KLRG1: variants seen among roughly 807,000 people sequenced by gnomAD.
KLRG1 encodes the protein killer cell lectin like receptor G1.
Under a neutral mutation model 21.8 loss-of-function variants are expected in KLRG1, and 16 were observed. That is an observed-to-expected ratio of 0.73 (90% confidence interval 0.50 to 1.11). KLRG1 has a LOEUF of 1.11. KLRG1 is among the 50% of genes most tolerant of loss of function. The pLI, the probability that KLRG1 is intolerant of heterozygous loss-of-function variation, is 0.00. For synonymous variants in KLRG1, 69 were observed against 75.9 expected (o/e 0.91, Z 0.47); for missense variants, 173 against 218.3 (o/e 0.79, Z 1.31).
chr12:9,155,466 T>A, the KLRG1 span, among the ~76,000 whole-genome samples: 6 of 151,068 alleles, frequency 4.0e-5, no homozygotes, highest in South Asian at 1.3e-3. Flanking sequence ...AAACTTTTGA[T>A]TCTTGTTTTG....
At chr12:9,194,018 A>C in the KLRG1 span, 1 of 1,474,336 alleles carries the variant, frequency 6.8e-7, no homozygotes, top group African/African-American at 1.4e-5. Flanking sequence ...ATTTCTTCTG[A>C]ATATATCACT....
the KLRG1 span, chr12:9,079,884 A>T: frequency 7.3e-7 from 1 of 1,377,770 alleles, no homozygotes; most frequent in Non-Finnish European, 9.6e-7. Flanking sequence ...ATTAAGCAGA[A>T]ATAATTAGTT....
the KLRG1 span, among the ~76,000 whole-genome samples, chr12:9,048,543 A>C: frequency 6.6e-6 from 1 of 152,242 alleles, no homozygotes; most frequent in African/African-American, 2.4e-5. Flanking sequence ...CTAGATATGC[A>C]TGGCTAGTTC....
intron 3 of KLRG1, among the ~76,000 whole-genome samples, chr12:8,999,459 A>G (rs780984743): frequency 2.4e-4 from 36 of 152,262 alleles, no homozygotes; most frequent in African/African-American, 8.4e-4. Context: ...AACTTTACCT[A>G]TCTTCCTGAC....
chr12:9,196,814 C>G, the KLRG1 span: 1 of 814,842 alleles, frequency 1.2e-6, no homozygotes, highest in Non-Finnish European at 2.0e-6. Flanking sequence ...CCTTCGAGAA[C>G]TTAATACTCA....
At chr12:9,161,144 G>C in the KLRG1 span, 1 of 1,484,224 alleles carries the variant, frequency 6.7e-7, no homozygotes, top group Non-Finnish European at 9.3e-7. Context: ...CCATGTTAAA[G>C]GAGGACATCT....
chr12:9,181,497 TACTC>T, the KLRG1 span, among the ~76,000 whole-genome samples: 2 of 152,218 alleles, frequency 1.3e-5, no homozygotes, highest in African/African-American at 4.8e-5. Flanking sequence ...CACATTAATT[TACTC>T]ACTCTTTTAA....
the KLRG1 span, among the ~76,000 whole-genome samples, chr12:9,016,744 G>A: frequency 2.6e-5 from 4 of 152,018 alleles, no homozygotes; most frequent in Non-Finnish European, 4.4e-5. Context: ...CTCCTGTGTA[G>A]CTCAGATTAC....
chr12:9,055,766 G>A, the KLRG1 span: 1 of 152,640 alleles, frequency 6.6e-6, no homozygotes, highest in African/African-American at 2.4e-5. Context: ...AAGCGAACAG[G>A]ATGACTTCGG....
At chr12:8,986,671 C>A (rs1271444960), upstream of KLRG1, among the ~76,000 whole-genome samples, 1 of 152,010 alleles carries the variant, frequency 6.6e-6, no homozygotes, top group African/African-American at 2.4e-5. Context: ...CTAGAATTAG[C>A]CATTTCTTCA....
the KLRG1 span, among the ~76,000 whole-genome samples, chr12:9,120,657 T>A: frequency 6.6e-6 from 1 of 152,230 alleles, no homozygotes; most frequent in Non-Finnish European, 1.5e-5. Flanking sequence ...GACAATTTCA[T>A]CTGGTTACAT....
chr12:9,005,668 T>C (rs1203848703), intron 3 of KLRG1, among the ~76,000 whole-genome samples: 1 of 152,190 alleles, frequency 6.6e-6, no homozygotes, highest in African/African-American at 2.4e-5. Context: ...TCTATAGCAA[T>C]GGTCTCCAAG....
the KLRG1 span, among the ~76,000 whole-genome samples, chr12:9,144,811 A>C: frequency 6.6e-6 from 1 of 152,118 alleles, no homozygotes; most frequent in Non-Finnish European, 1.5e-5. Flanking sequence ...TGGGGCAGGC[A>C]TATCTCTGGT....
At chr12:9,203,798 C>T in the KLRG1 span, 1 of 1,614,112 alleles carries the variant, frequency 6.2e-7, no homozygotes, top group Non-Finnish European at 8.5e-7. Context: ...ATAAGTCCTT[C>T]TCCGCCACCA....
chr12:9,061,994 G>C, the KLRG1 span, among the ~76,000 whole-genome samples: 1 of 151,358 alleles, frequency 6.6e-6, no homozygotes, highest in East Asian at 1.9e-4. Context: ...AAAATCACCT[G>C]ACACAATAGA....
chr12:9,140,134 C>G, the KLRG1 span, among the ~76,000 whole-genome samples: 1 of 152,140 alleles, frequency 6.6e-6, no homozygotes, highest in Admixed American at 6.5e-5. Context: ...CTGACATTAG[C>G]CATTAGGCTG....
chr12:8,975,977 T>A (rs891715951), intron 1 of KLRG1, among the ~76,000 whole-genome samples: 2 of 152,152 alleles, frequency 1.3e-5, no homozygotes, highest in Non-Finnish European at 2.9e-5. Flanking sequence ...TTATTTTTGC[T>A]CTAATCTTTA....
At chr12:8,987,907 G>A (rs1225958646), upstream of KLRG1, among the ~76,000 whole-genome samples, 3 of 152,190 alleles carry the variant, frequency 2.0e-5, no homozygotes, top group Admixed American at 6.5e-5. Flanking sequence ...TATTAAGGGC[G>A]TGAAAATTTG....
chr12:9,197,684 C>T, the KLRG1 span, among the ~76,000 whole-genome samples: 4,551 of 55,788 alleles, frequency 0.082, 68 homozygotes, highest in Admixed American at 0.11. Context: ...TTATACAATA[C>T]ATAATATATA....
Sources: gnomAD v4.1 joint callset for allele counts (sites outside exome capture counted in the v4.1 genomes callset) on GRCh38, gnomAD v4.1.1 for gene constraint, MANE v1.5 for transcripts, NCBI Gene and HGNC (gene_info 2026-07-23, HGNC 2026-07-21) for gene names.